DLG2: variants seen among roughly 807,000 people sequenced by gnomAD.
DLG2 encodes discs large MAGUK scaffold protein 2, also known as disks large homolog 2.
A neutral mutation model predicts 132.5 loss-of-function variants in DLG2; 45 were observed. The observed-to-expected ratio is 0.34, with a 90% confidence interval of 0.27 to 0.44. DLG2 has a LOEUF of 0.44. Among genes scored for constraint, DLG2 ranks in the 20% least tolerant of loss-of-function variants. The pLI, the probability that DLG2 is intolerant of heterozygous loss-of-function variation, is 1.00. For missense variants in DLG2, 1,045 were observed against 1,196.9 expected (o/e 0.87, Z 1.87); for synonymous variants, 424 against 419.6 (o/e 1.01, Z -0.13).
intron 3 of DLG2, among the ~76,000 whole-genome samples, chr11:85,553,167 C>T (rs544295174): frequency 1.4e-4 from 21 of 151,530 alleles, no homozygotes; most frequent in Non-Finnish European, 3.0e-4. Context: ...AAATTCTTGC[C>T]TTCATGGAGA....
At chr11:85,384,246 C>A (rs2086139247) in intron 3 of DLG2, among the ~76,000 whole-genome samples, 1 of 152,028 alleles carries the variant, frequency 6.6e-6, no homozygotes, top group South Asian at 2.1e-4. Context: ...TTTGAGAGGA[C>A]AAAATTACTT....
At chr11:85,297,875 A>G (rs2079337312) in intron 3 of DLG2, among the ~76,000 whole-genome samples, 1 of 152,182 alleles carries the variant, frequency 6.6e-6, no homozygotes, top group South Asian at 2.1e-4. Context: ...CAGGTAGGCT[A>G]ATATGGGCTG....
chr11:83,704,028 A>G (rs1566614495), intron 18 of DLG2, among the ~76,000 whole-genome samples: 1 of 152,262 alleles, frequency 6.6e-6, no homozygotes. Context: ...TTACAGTTTT[A>G]TAGGATGCAG....
In DLG2 at chr11:83,779,507, TC is replaced by T. The variant is rs1381416393; in HGVS notation, c.1825+7182del. Among the ~76,000 whole-genome samples, 4 of 152,252 alleles carry T rather than the reference TC, an allele frequency of 2.6e-5. No homozygotes were observed. The East Asian group carries it at 7.7e-4, about 29-fold the overall frequency. On this transcript the variant is annotated intron_variant, in intron 18 of 27. Coordinates refer to ENST00000376104, the MANE Select transcript of DLG2 (RefSeq NM_001142699.3). ...TCAGAAATTTTTTGACCCCTTTATG[TC>T]CATTTGATTATAATAATCTCATTGC...
intron 3 of DLG2, among the ~76,000 whole-genome samples, chr11:85,288,534 T>C (rs116082774): frequency 0.013 from 1,952 of 152,150 alleles, 42 homozygotes; most frequent in African/African-American, 0.045. Context: ...TGGTGGTGTG[T>C]GCCTGTGGTC....
At chr11:84,564,794 G>A (rs1048982852) in intron 6 of DLG2, among the ~76,000 whole-genome samples, 1 of 152,158 alleles carries the variant, frequency 6.6e-6, no homozygotes, top group Non-Finnish European at 1.5e-5. Flanking sequence ...GCCACCTGGT[G>A]TCAGCTACCT....
chr11:84,094,184 C>G (rs568900002), intron 10 of DLG2, among the ~76,000 whole-genome samples: 41 of 152,024 alleles, frequency 2.7e-4, no homozygotes, highest in African/African-American at 9.4e-4. Context: ...GCAGTACAAA[C>G]TTAGGGAAGT....
At chr11:84,474,298 G>T (rs1316257175) in intron 7 of DLG2, among the ~76,000 whole-genome samples, 1 of 151,986 alleles carries the variant, frequency 6.6e-6, no homozygotes, top group Non-Finnish European at 1.5e-5. Flanking sequence ...CCCAACAAAA[G>T]ATTAATTTTC....
rs560048066 is a variant in DLG2 at position 84,673,071 on chromosome 11, CCA to C, written c.358-138342_358-138341del. Among the ~76,000 whole-genome samples the C allele has an allele frequency of 2.9e-3, 446 of 152,156 alleles. 2 individuals are homozygous for C. The highest frequency in any genetic ancestry group is 0.01 in the African/African-American group (431 of 41,512). On this transcript the variant is annotated intron_variant, in intron 6 of 27. Coordinates refer to ENST00000376104, the MANE Select transcript of DLG2 (RefSeq NM_001142699.3). ...ATAGCACCAAGGGGGAAATTGACCC[CCA>C]TGACCCACTCACCTCCCACCAGGCC...
At chr11:84,675,360 C>T (rs2099710152) in intron 6 of DLG2, among the ~76,000 whole-genome samples, 1 of 152,106 alleles carries the variant, frequency 6.6e-6, no homozygotes, top group African/African-American at 2.4e-5. Flanking sequence ...GGGAAGTTGC[C>T]ATTACTGTTA....
At chr11:84,034,887 G>T (rs1220432325) in intron 11 of DLG2, among the ~76,000 whole-genome samples, 1 of 152,164 alleles carries the variant, frequency 6.6e-6, no homozygotes, top group Admixed American at 6.6e-5. Context: ...GACCTTAAAT[G>T]ATTATATCTG....
chr11:84,328,431 T>C (rs1289738968), intron 7 of DLG2, among the ~76,000 whole-genome samples: 1 of 152,108 alleles, frequency 6.6e-6, no homozygotes, highest in Non-Finnish European at 1.5e-5. Flanking sequence ...CAAAATCAAG[T>C]AAATATAAAT....
intron 7 of DLG2, among the ~76,000 whole-genome samples, chr11:84,393,149 G>T (rs2098798787): frequency 6.6e-6 from 1 of 152,016 alleles, no homozygotes; most frequent in South Asian, 2.1e-4. Context: ...AGTTAAGGAG[G>T]CTAAATATAT....
At chr11:85,339,122 T>C in intron 3 of DLG2, among the ~76,000 whole-genome samples, 1 of 152,238 alleles carries the variant, frequency 6.6e-6, no homozygotes. Context: ...ATTTTTCTTT[T>C]GAGCTTTGCT....
intron 6 of DLG2, among the ~76,000 whole-genome samples, chr11:84,553,817 T>G (rs1455103475): frequency 6.6e-6 from 1 of 152,236 alleles, no homozygotes; most frequent in Non-Finnish European, 1.5e-5. Context: ...TGATAATTTC[T>G]TCTTAAAATT....
At chr11:85,608,347 T>C (rs1263133644) in intron 2 of DLG2, among the ~76,000 whole-genome samples, 1 of 150,120 alleles carries the variant, frequency 6.7e-6, no homozygotes, top group Non-Finnish European at 1.5e-5. Flanking sequence ...GCCCCATTAT[T>C]CTCTCTCTCT....
At chr11:85,407,860 T>G (rs1368549426) in intron 3 of DLG2, among the ~76,000 whole-genome samples, 1 of 151,784 alleles carries the variant, frequency 6.6e-6, no homozygotes, top group Non-Finnish European at 1.5e-5. Context: ...TCCCTGTCTT[T>G]CATCAGCAGA....
intron 5 of DLG2, among the ~76,000 whole-genome samples, chr11:85,147,818 C>A (rs548011652): frequency 1.3e-5 from 2 of 152,204 alleles, no homozygotes; most frequent in South Asian, 4.1e-4. Context: ...ATACGTGTGC[C>A]ATGGGTTGCT....
chr11:85,310,278 C>G (rs1426851706), intron 3 of DLG2, among the ~76,000 whole-genome samples: 1 of 152,124 alleles, frequency 6.6e-6, no homozygotes, highest in African/African-American at 2.4e-5. Context: ...AAGTTGGTGT[C>G]CTGGGTGGAC....
Sources: allele counts gnomAD v4.1 joint callset (sites outside exome capture counted in the v4.1 genomes callset), GRCh38; gene constraint gnomAD v4.1.1; transcripts MANE v1.5; gene names NCBI Gene and HGNC (gene_info 2026-07-23, HGNC 2026-07-21).